HIPK2: variants seen among roughly 807,000 people sequenced by gnomAD.
HIPK2 encodes the protein homeodomain interacting protein kinase 2, also known as homeodomain-interacting protein kinase 2.
HIPK2 carries 27 observed loss-of-function variants against 113.7 expected under a neutral mutation model. The observed-to-expected ratio is 0.24, with a 90% confidence interval of 0.17 to 0.33. The LOEUF (loss-of-function observed/expected upper bound fraction) is 0.33, where lower values mean the gene tolerates loss of function less well. Among genes scored for constraint, HIPK2 ranks in the 10% least tolerant of loss-of-function variants. The pLI is 1.00. For missense variants in HIPK2, 1,257 were observed against 1,588.0 expected, an observed-to-expected ratio of 0.79 and a Z score of 3.54; for synonymous variants, 631 against 642.2, an observed-to-expected ratio of 0.98 and a Z score of 0.26.
At chr7:139,680,486 G>C (rs1000244207) in intron 2 of HIPK2, among the ~76,000 whole-genome samples, 1 of 152,212 alleles carries the variant, frequency 6.6e-6, no homozygotes, top group Non-Finnish European at 1.5e-5. Context: ...TTGAGGGGAT[G>C]CTGTTTTATG....
chr7:139,608,309 A>C (rs1799697125), intron 9 of HIPK2, among the ~76,000 whole-genome samples: 2 of 145,842 alleles, frequency 1.4e-5, no homozygotes. Context: ...TTTTAGGGAT[A>C]ATATATATTA....
chr7:139,694,907 G>A (rs1229489705), intron 2 of HIPK2, among the ~76,000 whole-genome samples: 2 of 152,120 alleles, frequency 1.3e-5, no homozygotes, highest in Non-Finnish European at 2.9e-5. Context: ...AGTCAAACAA[G>A]GAATATCCTG....
In HIPK2 at chr7:139,614,336, C is replaced by A; in HGVS notation, c.1940G>T (p.Arg647Leu). The A allele has an allele frequency of 6.4e-7, 1 of 1,571,928 alleles. No homozygotes were observed. Among genetic ancestry groups the A allele is most frequent in the Non-Finnish European group, 8.7e-7 (1 of 1,152,942 alleles). Residue 647 changes from arginine to leucine, a missense_variant, in exon 8 of 15, where the codon CGG becomes CTG. Physicochemically the swap from Arg to Leu is moderately radical, Grantham distance 102 (BLOSUM62 -2). Transcript: ENST00000406875. ...LQTGTAQICARPDPFQQALIV... is the reference protein window; with the variant it reads ...LQTGTAQICALPDPFQQALIV... ...GAGAGCTTGCTGGAACGGGTCAGGC[C>A]GGGCACAAATCTGGGCTGTTCCTGT...
chr7:139,709,710 A>G (rs1281886779), intron 2 of HIPK2, among the ~76,000 whole-genome samples: 5 of 152,198 alleles, frequency 3.3e-5, no homozygotes, highest in African/African-American at 7.2e-5. Context: ...CCGTGACTCA[A>G]TGGAACACAG....
chr7:139,629,695 T>C (rs192450151), intron 4 of HIPK2, among the ~76,000 whole-genome samples: 78 of 152,336 alleles, frequency 5.1e-4, no homozygotes, highest in African/African-American at 1.8e-3. Flanking sequence ...CCAATTACTA[T>C]GGATTTCTGT....
chr7:139,627,006 AG>A (rs1487888561), intron 5 of HIPK2, among the ~76,000 whole-genome samples: 2 of 152,192 alleles, frequency 1.3e-5, no homozygotes, highest in Non-Finnish European at 2.9e-5. Context: ...GCTGTGCCCC[AG>A]GAAGGGGAGA....
chr7:139,677,280 C>CACAT (rs1802537582), intron 2 of HIPK2, among the ~76,000 whole-genome samples: 2 of 141,948 alleles, frequency 1.4e-5, no homozygotes, highest in African/African-American at 5.1e-5. Flanking sequence ...CACACACACA[C>CACAT]ATATATACAC....
At chr7:139,705,711 G>C (rs1384131470) in intron 2 of HIPK2, among the ~76,000 whole-genome samples, 1 of 152,042 alleles carries the variant, frequency 6.6e-6, no homozygotes, top group Non-Finnish European at 1.5e-5. Context: ...GAAAGGTTTG[G>C]GAACCTGCCT....
chr7:139,760,246 C>T (rs542614310), intron 1 of HIPK2, among the ~76,000 whole-genome samples: 1 of 152,112 alleles, frequency 6.6e-6, no homozygotes, highest in Non-Finnish European at 1.5e-5. Flanking sequence ...CCTCATCATC[C>T]GCCCACCTCG....
intron 1 of HIPK2, among the ~76,000 whole-genome samples, chr7:139,731,198 C>T (rs1213168601): frequency 2.0e-5 from 3 of 152,208 alleles, no homozygotes; most frequent in Admixed American, 6.5e-5. Context: ...TTATAACAAT[C>T]GCAAAGTGAC....
Position 139,596,853 on chromosome 7 carries a change from C to A in HIPK2, c.2581G>T (p.Asp861Tyr). The change falls in exon 12 of 15, where the codon GAC (aspartate) becomes TAC (tyrosine). Residue 861 changes from aspartate (D) to tyrosine (Y), a missense_variant. Around this residue, in one of 5 missense-constraint regions of HIPK2, gnomAD observed 862 missense variants for 1,004.3 expected, o/e 0.86. Coordinates refer to ENST00000406875, the MANE Select transcript of HIPK2 (RefSeq NM_022740.5). ...CSTSVTCGWG[D>Y]VASSTTRERQ... Reference sequence around the variant, plus strand: ...TCCCGGGTGGTGCTGGAGGCCACGTCGCCCCACCCACAGGTGACCGAGGTG... The same window carrying A: ...TCCCGGGTGGTGCTGGAGGCCACGTAGCCCCACCCACAGGTGACCGAGGTG... 6.2e-7 allele frequency: 1 copy of A among 1,613,904 alleles called. No individual in the cohort carries two copies.
Position 139,614,374 on chromosome 7 carries a change from G to A in HIPK2, c.1902C>T (p.Ser634=). 6.3e-7 allele frequency: 1 copy of A among 1,584,460 alleles called. No homozygotes were observed. Among genetic ancestry groups the A allele is most frequent in the Non-Finnish European group, 8.6e-7 (1 of 1,160,748 alleles). The change falls in exon 8 of 15, where the codon AGC becomes AGT. Residue 634 remains serine (S), a synonymous_variant. Coordinates refer to ENST00000406875, the MANE Select transcript of HIPK2 (RefSeq NM_022740.5). ...GGGCTGTTCCTGTCTGCAGGGGCAT[G>A]CTCCGCTGGGCCACTGCAGCCATGG... ...AASMAAVAQR[S]MPLQTGTAQI...
chr7:139,686,559 G>A (rs1283924438), intron 2 of HIPK2, among the ~76,000 whole-genome samples: 1 of 152,156 alleles, frequency 6.6e-6, no homozygotes, highest in Admixed American at 6.5e-5. Flanking sequence ...GAGATCTGAT[G>A]GTTTTATAAG....
At chr7:139,740,335 G>A (rs957443081) in intron 1 of HIPK2, among the ~76,000 whole-genome samples, 10 of 152,240 alleles carry the variant, frequency 6.6e-5, no homozygotes, top group South Asian at 2.1e-4. Context: ...GTATCGCCCC[G>A]GAGAAAGAGC....
In HIPK2 at chr7:139,570,705, T is replaced by G. The variant is rs542971026; in HGVS notation, c.*2222A>C. ...AAACACACCTTTCACAGTAGATCCT[T>G]GAGGGAGACTGCACAGTGAGGAAGT... is the stretch of plus-strand genomic sequence containing the variant. On this transcript the variant is annotated 3_prime_UTR_variant, in exon 15 of 15. Transcript: ENST00000406875. The G allele has an allele frequency of 6.6e-6, 1 of 152,616 alleles. No individual in the cohort carries two copies. The highest frequency in any genetic ancestry group is 1.9e-4 in the East Asian group (1 of 5,180). The allele number at this position is 152,616 out of a possible 1,614,324, so 9.5% of individuals were successfully genotyped here. A position where few individuals can be genotyped will look rare whatever the true frequency, so the allele number is the denominator to read the frequency against.
At chr7:139,729,993 C>T (rs922185879) in intron 1 of HIPK2, among the ~76,000 whole-genome samples, 3 of 152,192 alleles carry the variant, frequency 2.0e-5, no homozygotes, top group Admixed American at 1.3e-4. Context: ...GTAAACCAGA[C>T]CTGCAGCAGA....
chr7:139,769,532 T>G (rs1796613954), intron 1 of HIPK2, among the ~76,000 whole-genome samples: 1 of 152,244 alleles, frequency 6.6e-6, no homozygotes. Flanking sequence ...CTAGTCTATT[T>G]TGTGCTTACC....
intron 2 of HIPK2, among the ~76,000 whole-genome samples, chr7:139,655,109 G>T (rs1263022856): frequency 6.6e-6 from 1 of 152,152 alleles, no homozygotes; most frequent in Admixed American, 6.5e-5. Flanking sequence ...AGTGTCCCTA[G>T]GAATTAGGGT....
chr7:139,654,272 G>A (rs1001292050), intron 2 of HIPK2, among the ~76,000 whole-genome samples: 40 of 152,176 alleles, frequency 2.6e-4, no homozygotes, highest in Non-Finnish European at 5.6e-4. Context: ...AGCATTTTGG[G>A]AAGCTGAGGC....
Sources: gnomAD v4.1 joint callset for allele counts (sites outside exome capture counted in the v4.1 genomes callset) on GRCh38, gnomAD v4.1.1 for gene constraint, gnomAD v4.1.1 regional missense constraint, MANE v1.5 for transcripts, NCBI Gene and HGNC (gene_info 2026-07-23, HGNC 2026-07-21) for gene names.